Variants in FAM178B observed in about 807,000 individuals in gnomAD.
FAM178B encodes protein FAM178B.
In FAM178B, 82 loss-of-function variants were observed where a neutral mutation model predicts 91.7. The observed-to-expected ratio is 0.89, with a 90% confidence interval of 0.75 to 1.07. The LOEUF (loss-of-function observed/expected upper bound fraction) is 1.07. FAM178B is among the 50% of genes least tolerant of loss of function. The pLI, the probability that FAM178B is intolerant of heterozygous loss-of-function variation, is 0.00. For missense variants in FAM178B, 769 were observed against 846.7 expected, an observed-to-expected ratio of 0.91 and a Z score of 1.14; for synonymous variants, 368 against 359.4, an observed-to-expected ratio of 1.02 and a Z score of -0.27.
At chr2:96,911,277 C>T (rs1264239515) in intron 12 of FAM178B, among the ~76,000 whole-genome samples, 1 of 152,120 alleles carries the variant, frequency 6.6e-6, no homozygotes, top group Non-Finnish European at 1.5e-5. Flanking sequence ...AAGGGCTGCT[C>T]GAAGAGGAGA....
At chr2:96,978,082 C>G in intron 1 of FAM178B, 2 of 367,674 alleles carry the variant, frequency 5.4e-6, no homozygotes, top group South Asian at 4.1e-5. Context: ...CTTCTCCACA[C>G]TGATGACTCA....
chr2:96,877,755 C>T (rs2080280961), intron 16 of FAM178B, 135 bp downstream of exon 16: 1 of 864,912 alleles, frequency 1.2e-6, no homozygotes, highest in Non-Finnish European at 1.8e-6. Flanking sequence ...CACCCTTCCC[C>T]CACATGCCCA....
At chr2:96,933,699 C>T (rs1414867102) in intron 8 of FAM178B, among the ~76,000 whole-genome samples, 1 of 152,198 alleles carries the variant, frequency 6.6e-6, no homozygotes, top group African/African-American at 2.4e-5. Context: ...AGCTAATGAG[C>T]TCTGCTGGGT....
intron 12 of FAM178B, among the ~76,000 whole-genome samples, chr2:96,903,242 TG>T: frequency 6.6e-6 from 1 of 152,342 alleles, no homozygotes; most frequent in Middle Eastern, 3.4e-3. Flanking sequence ...GGTTTCACCA[TG>T]TTAGCCAGGA....
At chr2:96,946,629 G>A (rs929297569) in intron 8 of FAM178B, among the ~76,000 whole-genome samples, 19 of 152,244 alleles carry the variant, frequency 1.2e-4, no homozygotes, top group African/African-American at 4.3e-4. Context: ...AATGGGGAGC[G>A]CATCAGAGAC....
At chr2:96,950,042 A>G (rs954053733) in intron 7 of FAM178B, 1 of 985,710 alleles carries the variant, frequency 1.0e-6, no homozygotes, top group Non-Finnish European at 1.2e-6. Flanking sequence ...CATGATGGAG[A>G]CGGGGAAAGA....
chr2:96,876,452 A>G (rs572930545), intron 16 of FAM178B, 144 bp from the exon 17 acceptor site: 3 of 1,031,260 alleles, frequency 2.9e-6, no homozygotes, highest in African/African-American at 1.6e-5. Context: ...CTGGGTTCAC[A>G]CTACTGGCGA....
chr2:96,897,996 C>T (rs534053672), intron 13 of FAM178B: 375 of 985,488 alleles, frequency 3.8e-4, no homozygotes, highest in South Asian at 1.3e-3. Context: ...ATGGGGCCTC[C>T]GCTGCAGCTT....
At chr2:96,920,813 AGT>A (rs1330228052) in intron 12 of FAM178B, among the ~76,000 whole-genome samples, 1 of 152,072 alleles carries the variant, frequency 6.6e-6, no homozygotes. Context: ...ATGAATCGAG[AGT>A]GTGCGAGTGG....
intron 1 of FAM178B, among the ~76,000 whole-genome samples, chr2:96,977,040 C>CA (rs1455011221): frequency 1.3e-5 from 2 of 150,480 alleles, no homozygotes; most frequent in Non-Finnish European, 3.0e-5. Flanking sequence ...ACTAAAAATA[C>CA]AAAAATTAGC....
intron 7 of FAM178B, chr2:96,949,943 T>C: frequency 9.2e-6 from 9 of 975,844 alleles, no homozygotes; most frequent in Non-Finnish European, 1.1e-5. Context: ...GACACAGGAG[T>C]AGGTGGCAGG....
chr2:96,934,384 A>T (rs2081591258), intron 8 of FAM178B, among the ~76,000 whole-genome samples: 1 of 152,122 alleles, frequency 6.6e-6, no homozygotes, highest in Admixed American at 6.5e-5. Flanking sequence ...GTGAGGATGG[A>T]GAGGCAGATG....
intron 13 of FAM178B, among the ~76,000 whole-genome samples, chr2:96,902,306 G>A (rs1574219397): frequency 3.3e-5 from 5 of 151,526 alleles, no homozygotes; most frequent in African/African-American, 4.9e-5. Context: ...GGGTTTCACC[G>A]TGTTAGCCAG....
intron 8 of FAM178B, among the ~76,000 whole-genome samples, chr2:96,932,718 AC>A (rs1395926264): frequency 2.6e-5 from 4 of 151,494 alleles, no homozygotes; most frequent in Admixed American, 2.6e-4. Flanking sequence ...TGGGTGGATC[AC>A]CTGAGGTCAG....
intron 6 of FAM178B, among the ~76,000 whole-genome samples, chr2:96,957,798 T>C (rs762862409): frequency 1.3e-5 from 2 of 152,176 alleles, no homozygotes; most frequent in African/African-American, 2.4e-5. Context: ...AACATGGTGA[T>C]GTGAACCCTT....
intron 12 of FAM178B, among the ~76,000 whole-genome samples, chr2:96,913,011 C>G (rs564656945): frequency 6.6e-6 from 1 of 152,200 alleles, no homozygotes; most frequent in Non-Finnish European, 1.5e-5. Context: ...TGGGTGGAGA[C>G]AGAACGGCTG....
At chr2:96,915,933 T>C (rs554109045) in intron 12 of FAM178B, among the ~76,000 whole-genome samples, 6 of 152,224 alleles carry the variant, frequency 3.9e-5, no homozygotes, top group Non-Finnish European at 5.9e-5. Flanking sequence ...CATCACACTT[T>C]ACATATGGCT....
chr2:96,916,303 C>A (rs1019564069), intron 12 of FAM178B, among the ~76,000 whole-genome samples: 1 of 152,316 alleles, frequency 6.6e-6, no homozygotes, highest in Non-Finnish European at 1.5e-5. Context: ...ACTGTCCTTT[C>A]GGATTGATTC....
At position 96,971,903 on chromosome 2, in the gene FAM178B, C is replaced by G; in HGVS notation, c.562G>C (p.Glu188Gln). The change falls in exon 3 of 17, where the codon GAG becomes CAG. Residue 188 changes from glutamate to glutamine, a missense_variant and splice_region_variant. Glu to Gln is a conservative substitution (Grantham distance 29). Coordinates refer to ENST00000490605, the MANE Select transcript of FAM178B (RefSeq NM_001122646.3). ...GCCAAGGGTGGACACAGGCTCACCT[C>G]TGGGGCCGCAGCCTGCTGGCTCAGG... is the stretch of plus-strand genomic sequence containing the variant. ...SGLSQQAAAP[E>Q]FSWGGSGSYF... 1 of 1,491,330 alleles carries G rather than the reference C, an allele frequency of 6.7e-7. No individual in the cohort carries two copies. The highest frequency in any genetic ancestry group is 8.9e-7 in the Non-Finnish European group (1 of 1,119,660). 92.4% of individuals were successfully genotyped at this position (1,491,330 alleles called of 1,614,324 possible).
Sources: allele counts gnomAD v4.1 joint callset (sites outside exome capture counted in the v4.1 genomes callset), GRCh38; gene constraint gnomAD v4.1.1; transcripts MANE v1.5; gene names NCBI Gene and HGNC (gene_info 2026-07-23, HGNC 2026-07-21).